Variants in GALNTL6 observed in about 807,000 individuals in gnomAD.
The protein encoded by GALNTL6 is polypeptide N-acetylgalactosaminyltransferase like 6, also known as polypeptide N-acetylgalactosaminyltransferase-like 6.
Under a neutral mutation model 73.7 loss-of-function variants are expected in GALNTL6, and 46 were observed. The ratio of observed to expected loss-of-function variants is 0.62; its 90% CI spans 0.49 to 0.80. GALNTL6 has a LOEUF of 0.80. GALNTL6 is among the 30% of genes least tolerant of loss of function. The pLI is 0.00. For synonymous variants in GALNTL6, 259 were observed against 263.7 expected, an observed-to-expected ratio of 0.98 and a Z score of 0.17; for missense variants, 604 against 755.0, an observed-to-expected ratio of 0.80 and a Z score of 2.34.
chr4:172,639,723 A>T (rs1739874284), intron 5 of GALNTL6, among the ~76,000 whole-genome samples: 1 of 152,082 alleles, frequency 6.6e-6, no homozygotes, highest in African/African-American at 2.4e-5. Context: ...AATATGAATC[A>T]ACCTAATCAG....
Position 172,348,090 on chromosome 4 carries a change from A to C in GALNTL6, c.387-433A>C, listed in dbSNP as rs536534357. On this transcript the variant is annotated intron_variant, in intron 4 of 12. Transcript: ENST00000506823. ...TACTGTCCAGCCATTGAAACACTCC[A>C]TGACTAAAACTGACTAATTAAACAT... 1.2e-3 allele frequency among the ~76,000 whole-genome samples: 184 copies of C among 152,322 alleles called. 1 individual carries two copies. Among genetic ancestry groups the C allele is most frequent in the Non-Finnish European group, 2.1e-3 (146 of 68,014 alleles).
chr4:172,802,679 T>C (rs908130525), intron 5 of GALNTL6, among the ~76,000 whole-genome samples: 1 of 152,142 alleles, frequency 6.6e-6, no homozygotes, highest in Non-Finnish European at 1.5e-5. Flanking sequence ...GGTGCATGGT[T>C]GTAGTCCCAG....
At chr4:171,952,332 T>C (rs1049879305) in intron 2 of GALNTL6, among the ~76,000 whole-genome samples, 8 of 152,048 alleles carry the variant, frequency 5.3e-5, no homozygotes, top group Admixed American at 2.0e-4. Context: ...AAAGCACTGT[T>C]TTGAAAATTT....
intron 5 of GALNTL6, among the ~76,000 whole-genome samples, chr4:172,804,034 A>G (rs1009896715): frequency 1.3e-5 from 2 of 152,232 alleles, no homozygotes; most frequent in Non-Finnish European, 2.9e-5. Flanking sequence ...ATGTTTCTCC[A>G]GTGTAAAGAA....
At chr4:172,823,830 A>T (rs1246140234) in intron 7 of GALNTL6, among the ~76,000 whole-genome samples, 3 of 152,240 alleles carry the variant, frequency 2.0e-5, no homozygotes, top group Non-Finnish European at 2.9e-5. Context: ...CATTTTTAAA[A>T]CCACAACCTA....
intron 5 of GALNTL6, among the ~76,000 whole-genome samples, chr4:172,555,696 T>C (rs1365181492): frequency 1.3e-5 from 2 of 152,090 alleles, no homozygotes; most frequent in Admixed American, 1.3e-4. Flanking sequence ...AAAAAAATTC[T>C]GTGTTGCTGA....
At chr4:172,241,393 A>C (rs1043247163) in intron 3 of GALNTL6, among the ~76,000 whole-genome samples, 1 of 152,232 alleles carries the variant, frequency 6.6e-6, no homozygotes, top group Non-Finnish European at 1.5e-5. Context: ...TTAAGAAAAA[A>C]AATGTAAAAG....
intron 2 of GALNTL6, among the ~76,000 whole-genome samples, chr4:172,033,148 A>G (rs931985617): frequency 1.3e-5 from 2 of 151,692 alleles, no homozygotes; most frequent in African/African-American, 4.8e-5. Flanking sequence ...AGCTGTTCCA[A>G]ACAACTTTAT....
intron 5 of GALNTL6, among the ~76,000 whole-genome samples, chr4:172,478,597 T>C (rs1307980460): frequency 1.3e-5 from 2 of 152,174 alleles, no homozygotes; most frequent in Non-Finnish European, 2.9e-5. Context: ...GACATAGGCC[T>C]AGGCAAAGAG....
At chr4:172,860,324 A>C (rs1031172436) in intron 7 of GALNTL6, among the ~76,000 whole-genome samples, 1 of 152,218 alleles carries the variant, frequency 6.6e-6, no homozygotes, top group Non-Finnish European at 1.5e-5. Flanking sequence ...AGGAGCTGAA[A>C]ATTAGACAGC....
At chr4:172,112,383 A>G (rs1732877225) in intron 2 of GALNTL6, among the ~76,000 whole-genome samples, 1 of 152,028 alleles carries the variant, frequency 6.6e-6, no homozygotes, top group Non-Finnish European at 1.5e-5. Flanking sequence ...TTGTGGACAT[A>G]AGTTTTCAAC....
At chr4:172,451,970 C>T (rs934315039) in intron 5 of GALNTL6, among the ~76,000 whole-genome samples, 1 of 152,030 alleles carries the variant, frequency 6.6e-6, no homozygotes, top group African/African-American at 2.4e-5. Context: ...GTGATTGTAC[C>T]GCTGCACTCC....
intron 5 of GALNTL6, among the ~76,000 whole-genome samples, chr4:172,514,143 T>C (rs1304695372): frequency 2.0e-5 from 3 of 152,114 alleles, no homozygotes; most frequent in Admixed American, 1.3e-4. Context: ...GTTTCTCAGG[T>C]GGTGGGTGTG....
chr4:172,057,748 A>C (rs2110873973), intron 2 of GALNTL6, among the ~76,000 whole-genome samples: 1 of 142,582 alleles, frequency 7.0e-6, no homozygotes, highest in Admixed American at 7.1e-5. Flanking sequence ...ATATATATAT[A>C]TATATATATA....
chr4:172,313,271 G>A (rs555416512), intron 4 of GALNTL6, among the ~76,000 whole-genome samples: 5 of 151,616 alleles, frequency 3.3e-5, no homozygotes, highest in African/African-American at 1.2e-4. Flanking sequence ...GACTACAGGC[G>A]CCTGCCACCA....
chr4:172,658,844 C>G (rs983460662), intron 5 of GALNTL6, among the ~76,000 whole-genome samples: 3 of 152,130 alleles, frequency 2.0e-5, no homozygotes, highest in African/African-American at 7.2e-5. Context: ...TTTTCTAGCC[C>G]TGGTTGCATT....
At chr4:171,986,141 C>A (rs151185993) in intron 2 of GALNTL6, among the ~76,000 whole-genome samples, 92 of 151,640 alleles carry the variant, frequency 6.1e-4, no homozygotes, top group African/African-American at 2.2e-3. Flanking sequence ...ACCAAACAGG[C>A]TTTGTGTGAG....
chr4:172,817,919 G>A lies in GALNTL6; in HGVS notation c.923+4196G>A, dbSNP rs182262266. ...CCAAATTGTCCTACTTGAGATACGA[G>A]GAATATCTAATTGGTCTTTAATGAC... On this transcript the variant is annotated intron_variant, in intron 7 of 12. Coordinates refer to ENST00000506823, the MANE Select transcript of GALNTL6 (RefSeq NM_001034845.3). 8.4e-4 allele frequency among the ~76,000 whole-genome samples: 128 copies of A among 152,280 alleles called. No homozygotes were observed. In the South Asian group the frequency reaches 0.018, roughly 21 times the overall value.
intron 4 of GALNTL6, among the ~76,000 whole-genome samples, chr4:172,312,616 A>G (rs1372389636): frequency 2.6e-5 from 4 of 152,070 alleles, no homozygotes; most frequent in South Asian, 2.1e-4. Flanking sequence ...AAAATCAAGG[A>G]AAAAAAATCA....
Sources: gnomAD v4.1 joint callset for allele counts (sites outside exome capture counted in the v4.1 genomes callset) on GRCh38, gnomAD v4.1.1 for gene constraint, MANE v1.5 for transcripts, NCBI Gene and HGNC (gene_info 2026-07-23, HGNC 2026-07-21) for gene names.